GRM1: variants seen among roughly 807,000 people sequenced by gnomAD.
The protein encoded by GRM1 is glutamate metabotropic receptor 1.
A neutral mutation model predicts 90.9 loss-of-function variants in GRM1; 33 were observed. The observed-to-expected ratio is 0.36, with a 90% CI of 0.28 to 0.49. The LOEUF (loss-of-function observed/expected upper bound fraction) is 0.49. GRM1 is among the 20% of genes least tolerant of loss of function. The pLI, the probability that GRM1 is intolerant of heterozygous loss-of-function variation, is 0.99. For synonymous variants in GRM1, 700 were observed against 613.2 expected, an observed-to-expected ratio of 1.14 and a Z score of -2.09; for missense variants, 1,190 against 1,534.3, an observed-to-expected ratio of 0.78 and a Z score of 3.75.
At chr6:146,309,226 C>A (rs371634528) in intron 3 of GRM1, among the ~76,000 whole-genome samples, 17 of 151,848 alleles carry the variant, frequency 1.1e-4, no homozygotes, top group African/African-American at 4.1e-4. Context: ...TGGTGAAGCC[C>A]CATCTCTACT....
chr6:146,168,282 G>C (rs1016052536), intron 2 of GRM1, among the ~76,000 whole-genome samples: 1 of 151,768 alleles, frequency 6.6e-6, no homozygotes, highest in Non-Finnish European at 1.5e-5. Flanking sequence ...TTGATCTAGG[G>C]TTTAAAATAT....
intron 1 of GRM1, among the ~76,000 whole-genome samples, chr6:146,091,808 G>T (rs905094107): frequency 6.6e-6 from 1 of 152,006 alleles, no homozygotes; most frequent in Non-Finnish European, 1.5e-5. Context: ...ATAGAATTCA[G>T]AAACAAAAAT....
chr6:146,410,592 C>A (rs1472522326), intron 7 of GRM1, among the ~76,000 whole-genome samples: 1 of 152,000 alleles, frequency 6.6e-6, no homozygotes, highest in African/African-American at 2.4e-5. Flanking sequence ...TTGGGAGGCA[C>A]CTAGAGGGCC....
intron 1 of GRM1, among the ~76,000 whole-genome samples, chr6:146,134,523 GA>G (rs1776534193): frequency 6.6e-6 from 1 of 152,194 alleles, no homozygotes; most frequent in South Asian, 2.1e-4. Context: ...CATGGCAGAA[GA>G]GGAAGCAAAC....
intron 1 of GRM1, among the ~76,000 whole-genome samples, chr6:146,062,234 A>G (rs1228257911): frequency 1.3e-5 from 2 of 152,120 alleles, no homozygotes; most frequent in Admixed American, 6.6e-5. Flanking sequence ...TCAGCAAACT[A>G]TCACAAGAAC....
chr6:146,119,758 C>T (rs1041633393), intron 1 of GRM1, among the ~76,000 whole-genome samples: 11 of 152,092 alleles, frequency 7.2e-5, no homozygotes, highest in South Asian at 2.1e-4. Context: ...TGTAGATATG[C>T]GGCATTATTT....
intron 2 of GRM1, among the ~76,000 whole-genome samples, chr6:146,258,019 A>G (rs1781551738): frequency 6.6e-6 from 1 of 152,096 alleles, no homozygotes; most frequent in South Asian, 2.1e-4. Context: ...TTCTAAGAAA[A>G]TACTTGTGGT....
At chr6:146,390,126 A>C (rs146463559) in intron 6 of GRM1, among the ~76,000 whole-genome samples, 1 of 152,214 alleles carries the variant, frequency 6.6e-6, no homozygotes, top group Admixed American at 6.6e-5. Context: ...TCTTTGAAAA[A>C]TAGTGTATTC....
chr6:146,413,747 C>A (rs1777658165), intron 7 of GRM1, among the ~76,000 whole-genome samples: 1 of 152,162 alleles, frequency 6.6e-6, no homozygotes, highest in East Asian at 1.9e-4. Flanking sequence ...CAATTAGAGA[C>A]AACCATTATT....
chr6:146,089,995 T>C (rs1302154246), intron 1 of GRM1, among the ~76,000 whole-genome samples: 1 of 152,148 alleles, frequency 6.6e-6, no homozygotes, highest in Admixed American at 6.5e-5. Context: ...ATATGTATTA[T>C]AGATATTAAA....
At chr6:146,432,539 T>C (rs1323118424) in intron 7 of GRM1, among the ~76,000 whole-genome samples, 2 of 152,212 alleles carry the variant, frequency 1.3e-5, no homozygotes, top group South Asian at 2.1e-4. Flanking sequence ...AACTAGAATA[T>C]GGATTAGTCT....
intron 2 of GRM1, among the ~76,000 whole-genome samples, chr6:146,270,715 A>G (rs1782084153): frequency 6.6e-6 from 1 of 152,196 alleles, no homozygotes; most frequent in Non-Finnish European, 1.5e-5. Context: ...AATTGAAACT[A>G]CAAACTAATT....
At chr6:146,294,690 C>T (rs772939179) in intron 2 of GRM1, among the ~76,000 whole-genome samples, 4 of 151,980 alleles carry the variant, frequency 2.6e-5, no homozygotes, top group South Asian at 2.1e-4. Context: ...CACATAGAGG[C>T]GAGAGATTTC....
At position 146,427,759 on chromosome 6, in the gene GRM1, C is replaced by A. The variant is rs80170933; in HGVS notation, c.2661-6113C>A. Among the ~76,000 whole-genome samples the A allele has an allele frequency of 5.6e-3, 846 of 152,326 alleles. 8 individuals are homozygous for A. The highest frequency in any genetic ancestry group is 0.019 in the African/African-American group (786 of 41,572). On this transcript the variant is annotated intron_variant, in intron 7 of 7. Transcript: ENST00000282753. ...TGTCTGCGCATCTAGGTCAGAGCCACTCTACTGTGGCTGGATGAATTCTCT... is the reference window on the plus strand; with the variant it reads ...TGTCTGCGCATCTAGGTCAGAGCCAATCTACTGTGGCTGGATGAATTCTCT...
At position 146,304,891 on chromosome 6, in the gene GRM1, C is replaced by T. The variant is rs750409636; in HGVS notation, c.1186+45C>T. 6.1e-6 allele frequency: 8 copies of T among 1,316,918 alleles called. No individual in the cohort carries two copies. In the Admixed American group the frequency reaches 8.4e-5, roughly 14 times the overall value. The allele number at this position is 1,316,918 out of a possible 1,614,324, so 81.6% of individuals were successfully genotyped here. Reference sequence around the variant, plus strand: ...TAACAACTCAGAGGTTTGGTCATCTCTTCTAGATTTATTGCAACTTGTTGA... The same window carrying T: ...TAACAACTCAGAGGTTTGGTCATCTTTTCTAGATTTATTGCAACTTGTTGA... On this transcript the variant is annotated intron_variant, in intron 3 of 7. Coordinates refer to ENST00000282753, the MANE Select transcript of GRM1 (RefSeq NM_001278064.2).
At chr6:146,227,137 CAT>C (rs980340888) in intron 2 of GRM1, among the ~76,000 whole-genome samples, 107 of 151,880 alleles carry the variant, frequency 7.0e-4, no homozygotes, top group Non-Finnish European at 1.2e-3. Flanking sequence ...TTGTATATAA[CAT>C]ATAAATATCT....
intron 2 of GRM1, among the ~76,000 whole-genome samples, chr6:146,165,578 A>G (rs539299968): frequency 3.9e-5 from 6 of 152,292 alleles, no homozygotes; most frequent in African/African-American, 1.2e-4. Context: ...ACTTACAGAT[A>G]TATGACTTGG....
chr6:146,145,101 C>G (rs1254657575), intron 1 of GRM1, among the ~76,000 whole-genome samples: 4 of 152,014 alleles, frequency 2.6e-5, no homozygotes, highest in African/African-American at 7.3e-5. Flanking sequence ...GGCTGCTAAT[C>G]CCGAAATTCA....
chr6:146,321,923 G>T (rs908190628), intron 3 of GRM1, among the ~76,000 whole-genome samples: 1 of 152,054 alleles, frequency 6.6e-6, no homozygotes, highest in Non-Finnish European at 1.5e-5. Flanking sequence ...TATCCAATTT[G>T]CCAGTCTGTG....
Sources: allele counts gnomAD v4.1 joint callset (sites outside exome capture counted in the v4.1 genomes callset), GRCh38; gene constraint gnomAD v4.1.1; transcripts MANE v1.5; gene names NCBI Gene and HGNC (gene_info 2026-07-23, HGNC 2026-07-21).